The following ALDH1L1 variants were observed in gnomAD, a reference collection of about 807,000 sequenced individuals.
ALDH1L1 encodes the protein cytosolic 10-formyltetrahydrofolate dehydrogenase.
Under a neutral mutation model 101.1 loss-of-function variants are expected in ALDH1L1, and 68 were observed. The ratio of observed to expected loss-of-function variants is 0.67; its 90% CI spans 0.55 to 0.82. The LOEUF (loss-of-function observed/expected upper bound fraction) is 0.82, where lower values mean the gene tolerates loss of function less well. Ranked by LOEUF, ALDH1L1 falls within the 40% of genes least tolerant of loss-of-function variation. The pLI, the probability that ALDH1L1 is intolerant of heterozygous loss-of-function variation, is 0.00. For missense variants in ALDH1L1, 1,087 were observed against 1,172.7 expected, an observed-to-expected ratio of 0.93 and a Z score of 1.07; for synonymous variants, 486 against 470.8, an observed-to-expected ratio of 1.03 and a Z score of -0.42.
intron 1 of ALDH1L1, 65 bp from the exon 2 acceptor site, chr3:126,161,067 C>G: frequency 6.4e-7 from 1 of 1,552,366 alleles, no homozygotes; most frequent in Non-Finnish European, 8.7e-7. Flanking sequence ...AGCCCTGGTT[C>G]AAGACAGGGC....
At chr3:126,144,491 A>C (rs2080632955) in intron 9 of ALDH1L1, among the ~76,000 whole-genome samples, 1 of 152,258 alleles carries the variant, frequency 6.6e-6, no homozygotes, top group Non-Finnish European at 1.5e-5. Context: ...ATAGTATGAT[A>C]CTGGCATAAA....
chr3:126,110,271 G>GACTCT, intron 19 of ALDH1L1, 162 bp from the exon 20 acceptor site: 2 of 911,466 alleles, frequency 2.2e-6, no homozygotes, highest in Non-Finnish European at 3.3e-6. Flanking sequence ...CTTCCAGGCT[G>GACTCT]AAATCCCAAA....
chr3:126,105,094 TATGTGCCGGTGGACCCC>T (rs1945818259), intron 22 of ALDH1L1: 6 of 28,470 alleles, frequency 2.1e-4, no homozygotes, highest in Admixed American at 1.2e-3. Flanking sequence ...CCCCGCCTGC[TATGTGCCGGTGGACCCC>T]GCCTGCTGCC....
At chr3:126,154,215 C>A (rs1307339057) in intron 6 of ALDH1L1, among the ~76,000 whole-genome samples, 2 of 152,228 alleles carry the variant, frequency 1.3e-5, no homozygotes, top group Non-Finnish European at 2.9e-5. Context: ...CTGCTCCACC[C>A]TGCCTGAGGC....
intron 1 of ALDH1L1, among the ~76,000 whole-genome samples, chr3:126,189,372 A>G (rs1417078674): frequency 6.6e-6 from 1 of 152,212 alleles, no homozygotes; most frequent in Non-Finnish European, 1.5e-5. Context: ...AACTGTTCAT[A>G]TCTAACATGT....
chr3:126,173,961 T>G (rs1410375646), intron 1 of ALDH1L1, among the ~76,000 whole-genome samples: 1 of 152,236 alleles, frequency 6.6e-6, no homozygotes, highest in African/African-American at 2.4e-5. Flanking sequence ...AAGCAAAAAC[T>G]GACAGAATTT....
chr3:126,109,956 C>A lies in ALDH1L1; in HGVS notation c.2335G>T (p.Val779Phe), dbSNP rs1315934504. 16 of 1,614,028 alleles carry A rather than the reference C, an allele frequency of 9.9e-6. No individual in the cohort carries two copies. Among genetic ancestry groups the A allele is most frequent in the Non-Finnish European group, 1.4e-5 (16 of 1,179,972 alleles). The change falls in exon 20 of 23, where the codon GTC becomes TTC. Residue 779 changes from valine to phenylalanine, a missense_variant. Val to Phe is a conservative substitution (Grantham distance 50). Around this residue, in one of 2 missense-constraint regions of ALDH1L1, gnomAD observed 442 missense variants for 535.7 expected, o/e 0.83. Transcript: ENST00000393434. ...GATLVCGGNQ[V>F]PRPGFFFEPT... ...CACTCTGACTCACCTGGCCGAGGGA[C>A]CTGATTCCCGCCGCAGACCAGTGTG...
Position 126,103,744 on chromosome 3 carries a change from C to T in ALDH1L1, c.*47G>A. On this transcript the variant is annotated 3_prime_UTR_variant, in exon 23 of 23. Coordinates refer to ENST00000393434, the MANE Select transcript of ALDH1L1 (RefSeq NM_012190.4). ...CCCAGGCTCAAGAGGGAGGGGGCCC[C>T]AGCCACGAGGGAGGGGCAGGGACTT... 1 of 1,601,888 alleles carries T rather than the reference C, an allele frequency of 6.2e-7. No individual in the cohort carries two copies. The highest frequency in any genetic ancestry group is 8.5e-7 in the Non-Finnish European group (1 of 1,172,862).
chr3:126,171,634 G>T (rs936658846), intron 1 of ALDH1L1, among the ~76,000 whole-genome samples: 1 of 152,146 alleles, frequency 6.6e-6, no homozygotes, highest in East Asian at 1.9e-4. Flanking sequence ...GTTTTGGCAG[G>T]AGGCAAGGAA....
intron 1 of ALDH1L1, among the ~76,000 whole-genome samples, chr3:126,193,781 A>G (rs35815953): frequency 0.08 from 12,110 of 152,302 alleles, 598 homozygotes; most frequent in South Asian, 0.14. Context: ...TTCAAATTGT[A>G]TAACTAAAAA....
At chr3:126,159,412 C>A in intron 2 of ALDH1L1, 1 of 456,636 alleles carries the variant, frequency 2.2e-6, no homozygotes, top group Non-Finnish European at 4.4e-6. Context: ...AGTCGCTGTC[C>A]CCAATAACTT....
At chr3:126,166,066 T>G (rs925980038) in intron 1 of ALDH1L1, among the ~76,000 whole-genome samples, 14 of 152,310 alleles carry the variant, frequency 9.2e-5, no homozygotes, top group African/African-American at 2.6e-4. Flanking sequence ...TGCTAGAAAC[T>G]TTCCTCTTAA....
At chr3:126,114,747 A>T in intron 17 of ALDH1L1, 91 bp from the exon 18 acceptor site, 1 of 1,243,074 alleles carries the variant, frequency 8.0e-7, no homozygotes, top group Non-Finnish European at 1.2e-6. Flanking sequence ...GTAGGCCCAA[A>T]GCATGCTTTG....
At chr3:126,117,436 C>G (rs1049895081) in intron 17 of ALDH1L1, among the ~76,000 whole-genome samples, 1 of 151,992 alleles carries the variant, frequency 6.6e-6, no homozygotes, top group Non-Finnish European at 1.5e-5. Context: ...AGGTGGATTG[C>G]TTGAGCCCAG....
chr3:126,139,957 G>A (rs2080533468), intron 9 of ALDH1L1, among the ~76,000 whole-genome samples: 1 of 151,870 alleles, frequency 6.6e-6, no homozygotes. Flanking sequence ...AGCTCCAGAG[G>A]AAAAAAGAGA....
intron 6 of ALDH1L1, 123 bp from the exon 7 acceptor site, chr3:126,153,704 C>A (rs1467084304): frequency 7.7e-7 from 1 of 1,290,642 alleles, no homozygotes; most frequent in East Asian, 2.5e-5. Flanking sequence ...GACCTGGGAG[C>A]CGGCTCAAAG....
At chr3:126,144,100 A>C (rs2080623594) in intron 9 of ALDH1L1, among the ~76,000 whole-genome samples, 1 of 152,178 alleles carries the variant, frequency 6.6e-6, no homozygotes, top group South Asian at 2.1e-4. Context: ...GAAATTAATA[A>C]AACAATTCCC....
intron 7 of ALDH1L1, chr3:126,152,254 C>G (rs1423491425): frequency 1.3e-5 from 2 of 152,234 alleles, no homozygotes; most frequent in African/African-American, 4.8e-5. Flanking sequence ...AAAACCCACC[C>G]TGGGAGCAGC....
chr3:126,137,682 G>A (rs2080476501), intron 10 of ALDH1L1, 131 bp downstream of exon 10: 4 of 1,314,768 alleles, frequency 3.0e-6, no homozygotes, highest in Non-Finnish European at 4.1e-6. Context: ...GAGAGTGTGG[G>A]AAACTGAAGG....
Sources: allele counts gnomAD v4.1 joint callset (sites outside exome capture counted in the v4.1 genomes callset), GRCh38; gene constraint gnomAD v4.1.1; regional missense constraint gnomAD v4.1.1; transcripts MANE v1.5; gene names NCBI Gene and HGNC (gene_info 2026-07-23, HGNC 2026-07-21).